RIMS1: variants seen among roughly 807,000 people sequenced by gnomAD.
The protein encoded by RIMS1 is regulating synaptic membrane exocytosis 1.
RIMS1 carries 83 observed loss-of-function variants against 214.1 expected under a neutral mutation model. The ratio of observed to expected loss-of-function variants is 0.39; its 90% CI spans 0.32 to 0.47. RIMS1 has a LOEUF of 0.47. RIMS1 is among the 20% of genes least tolerant of loss of function. RIMS1 has a pLI of 0.99. For missense variants in RIMS1, 2,050 were observed against 2,161.8 expected (o/e 0.95, Z 1.03); for synonymous variants, 793 against 786.8 (o/e 1.01, Z -0.13).
At chr6:72,335,206 G>A (rs1019177416) in intron 29 of RIMS1, among the ~76,000 whole-genome samples, 1 of 151,842 alleles carries the variant, frequency 6.6e-6, no homozygotes, top group East Asian at 2.0e-4. Context: ...CCTCCTAGGA[G>A]ATATTTCTGC....
intron 26 of RIMS1, among the ~76,000 whole-genome samples, chr6:72,299,119 G>A (rs1416105019): frequency 1.3e-5 from 2 of 151,700 alleles, no homozygotes; most frequent in East Asian, 1.9e-4. Flanking sequence ...GTAGTTTGGG[G>A]GCATCGAAAT....
intron 2 of RIMS1, among the ~76,000 whole-genome samples, chr6:72,092,291 C>CTCTCCCTTCCTTCCTT (rs1836463419): frequency 9.3e-6 from 1 of 107,938 alleles, no homozygotes; most frequent in Non-Finnish European, 2.1e-5. Flanking sequence ...CTCCCTCCCT[C>CTCTCCCTTCCTTCCTT]CCTTCCTTCC....
chr6:72,310,203 A>G (rs561862833), intron 27 of RIMS1, among the ~76,000 whole-genome samples: 2 of 152,270 alleles, frequency 1.3e-5, no homozygotes, highest in Non-Finnish European at 2.9e-5. Flanking sequence ...TTAACCAACC[A>G]CTAGTAGAAC....
In RIMS1 at chr6:72,399,510, C is replaced by G. The variant is rs570717248; in HGVS notation, c.4860+416C>G. Reference sequence around the variant, plus strand: ...TAGTTGGTTGAGCATTGCTATATACCAAACATGGGGTACAAAGAGGAAGAG... The same window carrying G: ...TAGTTGGTTGAGCATTGCTATATACGAAACATGGGGTACAAAGAGGAAGAG... On this transcript the variant is annotated intron_variant, in intron 33 of 33. Transcript: ENST00000521978. Among the ~76,000 whole-genome samples the G allele has an allele frequency of 3.9e-5, 6 of 151,952 alleles. No homozygotes were observed. The South Asian group carries it at 1.2e-3, about 32-fold the overall frequency.
chr6:72,388,201 A>G (rs188840279), intron 29 of RIMS1, among the ~76,000 whole-genome samples: 1 of 152,374 alleles, frequency 6.6e-6, no homozygotes, highest in Admixed American at 6.5e-5. Context: ...AAGGGATACT[A>G]TACAAAGCCT....
intron 2 of RIMS1, among the ~76,000 whole-genome samples, chr6:72,059,460 C>A (rs1827259272): frequency 6.6e-6 from 1 of 152,084 alleles, no homozygotes; most frequent in East Asian, 1.9e-4. Context: ...AACTCCTGGG[C>A]TCAAGCCATC....
chr6:71,981,557 TA>T (rs1798480534), intron 2 of RIMS1, among the ~76,000 whole-genome samples: 1 of 152,122 alleles, frequency 6.6e-6, no homozygotes, highest in Admixed American at 6.6e-5. Context: ...CACCCCACAT[TA>T]GAAAAAATTC....
At chr6:71,943,869 G>T (rs1786963966) in intron 1 of RIMS1, among the ~76,000 whole-genome samples, 1 of 152,064 alleles carries the variant, frequency 6.6e-6, no homozygotes. Flanking sequence ...GTCTTTAATG[G>T]CTTCAGTCTA....
intron 2 of RIMS1, among the ~76,000 whole-genome samples, chr6:72,002,566 G>A (rs887916234): frequency 3.9e-5 from 6 of 152,164 alleles, no homozygotes; most frequent in Non-Finnish European, 7.3e-5. Context: ...ATCCCAGTCA[G>A]GGAAGCATGC....
At chr6:72,229,359 T>C (rs890999729) in intron 6 of RIMS1, among the ~76,000 whole-genome samples, 2 of 151,940 alleles carry the variant, frequency 1.3e-5, no homozygotes, top group Non-Finnish European at 2.9e-5. Context: ...AAAGATAATT[T>C]ATGTAAATTT....
intron 2 of RIMS1, among the ~76,000 whole-genome samples, chr6:72,085,158 T>A (rs556342924): frequency 3.3e-5 from 5 of 152,252 alleles, no homozygotes; most frequent in African/African-American, 1.2e-4. Flanking sequence ...TTTAGTGCCA[T>A]CTGCTGGACA....
chr6:72,143,279 G>C (rs2042299665), intron 4 of RIMS1, among the ~76,000 whole-genome samples: 1 of 152,122 alleles, frequency 6.6e-6, no homozygotes, highest in African/African-American at 2.4e-5. Flanking sequence ...CATTTTAGAT[G>C]ACTGGGATAT....
chr6:72,359,784 G>C (rs1326016476), intron 29 of RIMS1, among the ~76,000 whole-genome samples: 1 of 152,078 alleles, frequency 6.6e-6, no homozygotes, highest in Non-Finnish European at 1.5e-5. Flanking sequence ...AAATCACAAA[G>C]TGCATCCCAA....
chr6:72,212,398 A>G (rs2053977491), intron 6 of RIMS1, among the ~76,000 whole-genome samples: 1 of 151,842 alleles, frequency 6.6e-6, no homozygotes, highest in East Asian at 1.9e-4. Context: ...AAGCTACCTT[A>G]AAAAGTTTAT....
At chr6:72,167,903 A>AT (rs10544711) in intron 4 of RIMS1, among the ~76,000 whole-genome samples, 1 of 150,924 alleles carries the variant, frequency 6.6e-6, no homozygotes, top group African/African-American at 2.4e-5. Flanking sequence ...TCTAGGTTTT[A>AT]TTTTTTTTTT....
chr6:72,140,404 C>T (rs958773687), intron 4 of RIMS1, among the ~76,000 whole-genome samples: 2 of 151,944 alleles, frequency 1.3e-5, no homozygotes, highest in East Asian at 3.8e-4. Flanking sequence ...TCAAATAATT[C>T]CAAGGTATTT....
intron 6 of RIMS1, among the ~76,000 whole-genome samples, chr6:72,203,701 A>G (rs1180537556): frequency 6.6e-6 from 1 of 152,224 alleles, no homozygotes; most frequent in Non-Finnish European, 1.5e-5. Context: ...GGTTTAGTCA[A>G]TGTGGAGCAG....
chr6:71,964,896 A>G (rs1309028939), intron 1 of RIMS1, among the ~76,000 whole-genome samples: 4 of 152,004 alleles, frequency 2.6e-5, no homozygotes, highest in African/African-American at 9.7e-5. Context: ...TGTAGAAGGA[A>G]AGGTGGCCAG....
intron 4 of RIMS1, among the ~76,000 whole-genome samples, chr6:72,163,450 G>C (rs1483207944): frequency 7.1e-6 from 1 of 141,192 alleles, no homozygotes; most frequent in Non-Finnish European, 1.6e-5. Flanking sequence ...CTTTGGAGGA[G>C]GAGAGGCACT....
Sources: gnomAD v4.1 joint callset for allele counts (sites outside exome capture counted in the v4.1 genomes callset) on GRCh38, gnomAD v4.1.1 for gene constraint, MANE v1.5 for transcripts, NCBI Gene and HGNC (gene_info 2026-07-23, HGNC 2026-07-21) for gene names.